KANK1: variants seen among roughly 807,000 people sequenced by gnomAD.
KANK1 encodes the protein KN motif and ankyrin repeat domains 1.
In KANK1, 109 loss-of-function variants were observed where a neutral mutation model predicts 106.2. The ratio of observed to expected loss-of-function variants is 1.03; its 90% CI spans 0.88 to 1.20. The LOEUF (loss-of-function observed/expected upper bound fraction) is 1.20. Ranked by LOEUF, KANK1 falls within the 50% of genes most tolerant of loss-of-function variation. The probability of loss-of-function intolerance (pLI) is 0.00; values close to 1 mark genes in which losing one functional copy is unlikely to be tolerated. For synonymous variants in KANK1, 873 were observed against 652.2 expected (o/e 1.34, Z -5.16); for missense variants, 2,399 against 1,710.7 (o/e 1.40, Z -7.10).
chr9:667,405 A>T (rs1844886414), intron 1 of KANK1, among the ~76,000 whole-genome samples: 1 of 151,112 alleles, frequency 6.6e-6, no homozygotes. Flanking sequence ...TCTCAATTTC[A>T]TTTATTTTTG....
intron 3 of KANK1, among the ~76,000 whole-genome samples, chr9:475,764 A>G (rs1346016762): frequency 1.3e-5 from 2 of 152,184 alleles, no homozygotes; most frequent in Non-Finnish European, 2.9e-5. Flanking sequence ...TGCATCTGTA[A>G]AGAATCTCTG....
intron 2 of KANK1, among the ~76,000 whole-genome samples, chr9:681,328 C>T (rs1234004057): frequency 6.6e-6 from 1 of 152,128 alleles, no homozygotes; most frequent in Non-Finnish European, 1.5e-5. Flanking sequence ...TCTCTCATAG[C>T]CAGCTAGGAA....
chr9:579,452 C>T (rs1821458105), intron 1 of KANK1, among the ~76,000 whole-genome samples: 1 of 152,162 alleles, frequency 6.6e-6, no homozygotes, highest in Non-Finnish European at 1.5e-5. Flanking sequence ...TGTGTTGTCC[C>T]TGCTTCTCTC....
chr9:574,280 C>G (rs1161396261), intron 1 of KANK1, among the ~76,000 whole-genome samples: 1 of 152,206 alleles, frequency 6.6e-6, no homozygotes, highest in East Asian at 1.9e-4. Context: ...TACTGAAATA[C>G]CAGAGCCTGC....
rs1488110649 is a variant in KANK1 at position 521,737 on chromosome 9, T to C, written c.-84+16983T>C. On this transcript the variant is annotated intron_variant, in intron 1 of 11. Coordinates refer to ENST00000382297, the MANE Select transcript of KANK1 (RefSeq NM_015158.5). ...TGTGCGCCACCACGCGTGGCTGATT[T>C]TTGTATTATTGGTAGAGATGGGGTT... 5.9e-5 allele frequency among the ~76,000 whole-genome samples: 9 copies of C among 151,288 alleles called. No homozygotes were observed. In the East Asian group the frequency reaches 1.7e-3, roughly 29 times the overall value.
At chr9:695,143 T>A (rs745876) in intron 2 of KANK1, among the ~76,000 whole-genome samples, 114,537 of 151,912 alleles carry the variant, frequency 0.75, 43,315 homozygotes, top group Middle Eastern at 0.83. Flanking sequence ...ATGAAAACAA[T>A]AGTATACCTT....
At chr9:589,876 A>T (rs984438641) in intron 1 of KANK1, among the ~76,000 whole-genome samples, 4 of 152,192 alleles carry the variant, frequency 2.6e-5, no homozygotes, top group Admixed American at 6.5e-5. Context: ...CCTCTGCAGG[A>T]TGCAGGAAGG....
chr9:484,094 G>A (rs981907664), intron 3 of KANK1, among the ~76,000 whole-genome samples: 1 of 152,188 alleles, frequency 6.6e-6, no homozygotes, highest in Admixed American at 6.5e-5. Context: ...CAGGTCAGTG[G>A]CTCCTCCCTG....
intron 1 of KANK1, among the ~76,000 whole-genome samples, chr9:517,353 C>T (rs773708710): frequency 1.3e-4 from 20 of 151,882 alleles, no homozygotes; most frequent in Admixed American, 2.6e-4. Flanking sequence ...CTGCCTGCCT[C>T]GGCCTTCCAA....
intron 1 of KANK1, among the ~76,000 whole-genome samples, chr9:588,085 A>G (rs1450685311): frequency 7.2e-5 from 11 of 151,852 alleles, no homozygotes; most frequent in Admixed American, 7.2e-4. Context: ...AAAAAGAAAG[A>G]AAGAAAGAAA....
chr9:739,341 G>T (rs920481438), intron 8 of KANK1, among the ~76,000 whole-genome samples: 2 of 152,196 alleles, frequency 1.3e-5, no homozygotes, highest in African/African-American at 4.8e-5. Flanking sequence ...CTTAGAATAT[G>T]CAATCATACT....
chr9:531,777 C>T (rs369324042), intron 1 of KANK1, among the ~76,000 whole-genome samples: 28 of 152,196 alleles, frequency 1.8e-4, no homozygotes, highest in African/African-American at 6.3e-4. Flanking sequence ...GAATAAAACG[C>T]CTTCTGGCGT....
chr9:475,380 A>T (rs193254654), intron 3 of KANK1, among the ~76,000 whole-genome samples: 1 of 152,208 alleles, frequency 6.6e-6, no homozygotes, highest in Admixed American at 6.5e-5. Context: ...AAGTATGCCA[A>T]CCTGTAAGAC....
In KANK1 at chr9:480,109, C is replaced by T. The variant is rs967768401; in HGVS notation, c.-362+6836C>T. Among the ~76,000 whole-genome samples the T allele has an allele frequency of 3.3e-5, 5 of 152,288 alleles. No homozygotes were observed. The South Asian group carries it at 8.3e-4, about 25-fold the overall frequency. ...CACGTTCCATCTGGTAAATAATTGC[C>T]GGAGTTGCATTCCTGTGCATTCAGG... On this transcript the variant is annotated intron_variant, in intron 3 of 15. Transcript: ENST00000382303.
At chr9:501,897 C>A (rs574687046), upstream of KANK1, among the ~76,000 whole-genome samples, 77 of 152,296 alleles carry the variant, frequency 5.1e-4, no homozygotes, top group Non-Finnish European at 9.4e-4. Context: ...ACATGTTTGA[C>A]AATCTTTCGC....
intron 1 of KANK1, among the ~76,000 whole-genome samples, chr9:586,356 G>A (rs930060679): frequency 6.6e-6 from 1 of 152,202 alleles, no homozygotes; most frequent in Non-Finnish European, 1.5e-5. Context: ...AGAGAGAGTG[G>A]ATAGGCTGTG....
chr9:618,413 G>A (rs1021587450), intron 1 of KANK1, among the ~76,000 whole-genome samples: 1 of 151,904 alleles, frequency 6.6e-6, no homozygotes, highest in African/African-American at 2.4e-5. Flanking sequence ...TCACCATATC[G>A]GCCAGGCTGG....
At position 633,169 on chromosome 9, in the gene KANK1, A is replaced by T. The variant is rs150182146; in HGVS notation, c.-83-43721A>T. Among the ~76,000 whole-genome samples the T allele has an allele frequency of 2.7e-3, 411 of 151,994 alleles. 6 individuals are homozygous for T. Among genetic ancestry groups the T allele is most frequent in the African/African-American group, 9.9e-3 (409 of 41,496 alleles). On this transcript the variant is annotated intron_variant, in intron 1 of 11. Coordinates refer to ENST00000382297, the MANE Select transcript of KANK1 (RefSeq NM_015158.5). ...TTTTATGGACTATTGATAAGAACCC[A>T]ACCCTTGACCGGGCGCAGTGGCTCA...
chr9:564,088 C>G (rs960827426), intron 1 of KANK1, among the ~76,000 whole-genome samples: 6 of 147,234 alleles, frequency 4.1e-5, no homozygotes, highest in Admixed American at 2.0e-4. Flanking sequence ...GAGACAGAGT[C>G]TTGCTCTGTC....
Sources: gnomAD v4.1 joint callset for allele counts (sites outside exome capture counted in the v4.1 genomes callset) on GRCh38, gnomAD v4.1.1 for gene constraint, MANE v1.5 for transcripts, NCBI Gene and HGNC (gene_info 2026-07-23, HGNC 2026-07-21) for gene names.